TWSG1: variants seen among roughly 807,000 people sequenced by gnomAD.
The protein encoded by TWSG1 is twisted gastrulation protein homolog 1.
In TWSG1, 15 loss-of-function variants were observed where a neutral mutation model predicts 23.0. That is an observed-to-expected ratio of 0.65 (90% CI 0.44 to 1.00). The LOEUF is 1.00. Among genes scored for constraint, TWSG1 ranks in the 50% least tolerant of loss-of-function variants. The probability of loss-of-function intolerance (pLI) is 0.00; values close to 1 mark genes in which losing one functional copy is unlikely to be tolerated. For missense variants in TWSG1, 242 were observed against 278.7 expected, an observed-to-expected ratio of 0.87 and a Z score of 0.94; for synonymous variants, 86 against 92.8, an observed-to-expected ratio of 0.93 and a Z score of 0.42.
intron 3 of TWSG1, among the ~76,000 whole-genome samples, chr18:9,386,648 A>G (rs1385177323): frequency 6.6e-6 from 1 of 151,852 alleles, no homozygotes; most frequent in African/African-American, 2.4e-5. Context: ...CAAAGCTGAG[A>G]AAAAAAACAG....
chr18:9,369,519 G>A (rs966028615), intron 3 of TWSG1, among the ~76,000 whole-genome samples: 5 of 152,050 alleles, frequency 3.3e-5, no homozygotes, highest in Admixed American at 6.6e-5. Context: ...CACCCACCTC[G>A]CCTTCCCAAA....
At chr18:9,387,566 A>T (rs2040690828) in intron 3 of TWSG1, among the ~76,000 whole-genome samples, 1 of 151,898 alleles carries the variant, frequency 6.6e-6, no homozygotes, top group Non-Finnish European at 1.5e-5. Context: ...GGAGTTTGAG[A>T]CCAGCCTAGT....
chr18:9,385,646 G>A (rs2040678753), intron 3 of TWSG1, among the ~76,000 whole-genome samples: 1 of 109,016 alleles, frequency 9.2e-6, no homozygotes, highest in South Asian at 3.4e-4. Context: ...CCGAGATTGC[G>A]CCACTGCAGT....
intron 2 of TWSG1, among the ~76,000 whole-genome samples, chr18:9,340,999 A>G (rs1197200507): frequency 6.6e-6 from 1 of 151,976 alleles, no homozygotes; most frequent in Non-Finnish European, 1.5e-5. Context: ...TCTCTTCCTG[A>G]CTTCTCCTCC....
At chr18:9,343,605 A>G (rs1421856265) in intron 2 of TWSG1, among the ~76,000 whole-genome samples, 1 of 152,088 alleles carries the variant, frequency 6.6e-6, no homozygotes, top group Non-Finnish European at 1.5e-5. Context: ...CACAAACCCT[A>G]GGCAGTTTAC....
At chr18:9,338,404 T>A (rs1408337851) in intron 2 of TWSG1, among the ~76,000 whole-genome samples, 1 of 152,192 alleles carries the variant, frequency 6.6e-6, no homozygotes, top group East Asian at 1.9e-4. Context: ...GAGAAGAATA[T>A]AATGAACCAT....
intron 3 of TWSG1, among the ~76,000 whole-genome samples, chr18:9,386,131 T>A (rs944616846): frequency 6.8e-6 from 1 of 146,466 alleles, no homozygotes; most frequent in Non-Finnish European, 1.5e-5. Flanking sequence ...ATCGTGCCAC[T>A]GATGCCTGAG....
At chr18:9,344,523 A>T (rs7235156) in intron 2 of TWSG1, among the ~76,000 whole-genome samples, 2 of 108,398 alleles carry the variant, frequency 1.8e-5, no homozygotes, top group South Asian at 3.5e-4. Flanking sequence ...GTGTGTGTGT[A>T]TGTATGTATT....
intron 3 of TWSG1, among the ~76,000 whole-genome samples, chr18:9,369,306 T>A (rs113363814): frequency 6.6e-6 from 1 of 152,036 alleles, no homozygotes. Flanking sequence ...TCTTGCTCTG[T>A]CACCCAGGCT....
intron 2 of TWSG1, among the ~76,000 whole-genome samples, chr18:9,349,583 A>G (rs1189051398): frequency 6.6e-6 from 1 of 152,196 alleles, no homozygotes; most frequent in Non-Finnish European, 1.5e-5. Flanking sequence ...TTAAAAGTAT[A>G]TTTTGTCTTA....
At chr18:9,389,224 C>T (rs932694917) in intron 3 of TWSG1, among the ~76,000 whole-genome samples, 1 of 152,150 alleles carries the variant, frequency 6.6e-6, no homozygotes. Flanking sequence ...GATGTGCCCG[C>T]CTCAGCCTCC....
chr18:9,337,357 G>T lies in TWSG1; in HGVS notation c.123+5G>T, dbSNP rs1362574106. The T allele has an allele frequency of 1.2e-6, 2 of 1,611,920 alleles. No homozygotes were observed. The highest frequency in any genetic ancestry group is 1.7e-6 in the Non-Finnish European group (2 of 1,179,432). On this transcript the variant is annotated splice_donor_5th_base_variant and intron_variant, in intron 2 of 4. Transcript: ENST00000262120. ...GTGAGCAAATGCCTCATTCAGGTAGGACTAAGAGTACTTTTATTAATATCA... is the reference window on the plus strand; with the variant it reads ...GTGAGCAAATGCCTCATTCAGGTAGTACTAAGAGTACTTTTATTAATATCA...
At chr18:9,337,849 A>G (rs2040429692) in intron 2 of TWSG1, among the ~76,000 whole-genome samples, 1 of 152,242 alleles carries the variant, frequency 6.6e-6, no homozygotes, top group Non-Finnish European at 1.5e-5. Flanking sequence ...CAGTTTAGCC[A>G]GGTGGCTGTG....
chr18:9,399,319 CTGAAATCTTAAATTTT>C lies in TWSG1; in HGVS notation c.491-24_491-9del. ...TTTTTTGTTTTTCTTCTTTCTTGCC[CTGAAATCTTAAATTTT>C]TGTTTTTCAGAACACATGTGTACTG... is the stretch of plus-strand genomic sequence containing the variant. On this transcript the variant is annotated splice_polypyrimidine_tract_variant and intron_variant, in intron 4 of 4. Coordinates refer to ENST00000262120, the MANE Select transcript of TWSG1 (RefSeq NM_020648.6). 1.3e-6 allele frequency: 2 copies of C among 1,520,780 alleles called. No homozygotes were observed. The highest frequency in any genetic ancestry group is 1.8e-6 in the Non-Finnish European group (2 of 1,134,690). 94.2% of individuals were successfully genotyped at this position (1,520,780 alleles called of 1,614,324 possible).
At chr18:9,370,470 G>A (rs995890117) in intron 3 of TWSG1, among the ~76,000 whole-genome samples, 16 of 152,082 alleles carry the variant, frequency 1.1e-4, no homozygotes, top group African/African-American at 3.6e-4. Context: ...ACCAGAATTG[G>A]TATGCCAAAG....
intron 3 of TWSG1, among the ~76,000 whole-genome samples, chr18:9,382,526 A>C (rs2040662371): frequency 6.6e-6 from 1 of 151,046 alleles, no homozygotes; most frequent in South Asian, 2.1e-4. Flanking sequence ...CTGTCTCAAA[A>C]AAAAAGGCTG....
chr18:9,389,886 A>G (rs2040703825), intron 3 of TWSG1, among the ~76,000 whole-genome samples: 1 of 152,234 alleles, frequency 6.6e-6, no homozygotes, highest in Non-Finnish European at 1.5e-5. Context: ...GAAGGTCCCA[A>G]TAAAGTGAGT....
chr18:9,358,888 G>T (rs2040539567), intron 2 of TWSG1, among the ~76,000 whole-genome samples: 1 of 152,038 alleles, frequency 6.6e-6, no homozygotes, highest in Non-Finnish European at 1.5e-5. Flanking sequence ...AATATATATG[G>T]TATCTTAAAC....
chr18:9,337,057 G>A, intron 1 of TWSG1, 136 bp from the exon 2 acceptor site: 1 of 715,312 alleles, frequency 1.4e-6, no homozygotes, highest in Admixed American at 2.8e-5. Context: ...CTGGGCAACA[G>A]AGCAAGACTC....
Sources: allele counts gnomAD v4.1 joint callset (sites outside exome capture counted in the v4.1 genomes callset), GRCh38; gene constraint gnomAD v4.1.1; transcripts MANE v1.5; gene names NCBI Gene and HGNC (gene_info 2026-07-23, HGNC 2026-07-21).